ROBO1: variants seen among roughly 807,000 people sequenced by gnomAD.
The protein encoded by ROBO1 is roundabout guidance receptor 1.
Under a neutral mutation model 195.9 loss-of-function variants are expected in ROBO1, and 149 were observed. The ratio of observed to expected loss-of-function variants is 0.76; its 90% CI spans 0.67 to 0.87. ROBO1 has a LOEUF of 0.87. ROBO1 is among the 40% of genes least tolerant of loss of function. ROBO1 has a pLI of 0.00. For missense variants in ROBO1, 1,933 were observed against 2,068.3 expected (o/e 0.93, Z 1.27); for synonymous variants, 816 against 733.2 (o/e 1.11, Z -1.82).
At chr3:78,942,016 C>T (rs1386784638) in intron 3 of ROBO1, among the ~76,000 whole-genome samples, 2 of 152,004 alleles carry the variant, frequency 1.3e-5, no homozygotes, top group Non-Finnish European at 1.5e-5. Flanking sequence ...ATCTGAAAAC[C>T]AGGGTCAAGC....
intron 4 of ROBO1, among the ~76,000 whole-genome samples, chr3:78,825,764 CA>C (rs1296668502): frequency 6.6e-6 from 1 of 152,062 alleles, no homozygotes; most frequent in Non-Finnish European, 1.5e-5. Context: ...TTATCAAGTG[CA>C]AAAGTGATAT....
At chr3:79,263,090 C>A (rs2082970180) in intron 2 of ROBO1, among the ~76,000 whole-genome samples, 1 of 151,930 alleles carries the variant, frequency 6.6e-6, no homozygotes, top group Non-Finnish European at 1.5e-5. Flanking sequence ...GTTTTCATAC[C>A]CTTTAGTACC....
At chr3:78,938,287 G>T (rs764709090) in intron 4 of ROBO1, 2 of 294,972 alleles carry the variant, frequency 6.8e-6, no homozygotes, top group Non-Finnish European at 1.3e-5. Flanking sequence ...GCAGCACATG[G>T]TTCCCTATTC....
At chr3:78,934,154 A>C (rs2039675534) in intron 4 of ROBO1, among the ~76,000 whole-genome samples, 1 of 151,996 alleles carries the variant, frequency 6.6e-6, no homozygotes, top group African/African-American at 2.4e-5. Flanking sequence ...TAATGGAAGT[A>C]AAGAGAAAAA....
chr3:79,511,701 A>G (rs931342614), intron 2 of ROBO1, among the ~76,000 whole-genome samples: 1 of 152,218 alleles, frequency 6.6e-6, no homozygotes, highest in South Asian at 2.1e-4. Context: ...CTAAGTAAAG[A>G]AAATACTGTA....
chr3:79,098,661 A>G (rs1361720021), intron 3 of ROBO1, among the ~76,000 whole-genome samples: 1 of 151,882 alleles, frequency 6.6e-6, no homozygotes, highest in African/African-American at 2.4e-5. Context: ...AGTCTTAAAA[A>G]TAGATTATAC....
At chr3:78,612,785 A>G (rs932094293) in intron 28 of ROBO1, among the ~76,000 whole-genome samples, 1 of 152,220 alleles carries the variant, frequency 6.6e-6, no homozygotes, top group African/African-American at 2.4e-5. Flanking sequence ...TGTGACTTAG[A>G]GAAAATAATT....
intron 28 of ROBO1, 54 bp downstream of exon 28, chr3:78,614,594 G>A (rs1021548365): frequency 6.3e-7 from 1 of 1,582,890 alleles, no homozygotes; most frequent in Non-Finnish European, 8.6e-7. Context: ...TCCTAGAGAG[G>A]CAGGGTAAAT....
intron 1 of ROBO1, among the ~76,000 whole-genome samples, chr3:79,696,312 C>T (rs1240735653): frequency 6.6e-6 from 1 of 150,962 alleles, no homozygotes. Flanking sequence ...AGAATCTGCT[C>T]TATTGTAATA....
Position 78,656,873 on chromosome 3 carries a change from G to A in ROBO1, c.2614+225C>T, listed in dbSNP as rs572542156. Among the ~76,000 whole-genome samples, 25 of 152,156 alleles carry A rather than the reference G, an allele frequency of 1.6e-4. No homozygotes were observed. The South Asian group carries it at 5.0e-3, about 30-fold the overall frequency. ...GTTCAAGTTTAGTTGAGATATCTAC[G>A]TCCATATATCTACATCTAGTCTGTC... On this transcript the variant is annotated intron_variant, in intron 18 of 30. Coordinates refer to ENST00000464233, the MANE Select transcript of ROBO1 (RefSeq NM_002941.4).
intron 10 of ROBO1, among the ~76,000 whole-genome samples, chr3:78,675,603 C>A (rs910886264): frequency 1.3e-5 from 2 of 152,196 alleles, no homozygotes; most frequent in East Asian, 3.9e-4. Flanking sequence ...AAGGCGGCAG[C>A]GAGGCTGGGG....
intron 3 of ROBO1, among the ~76,000 whole-genome samples, chr3:79,028,709 G>C (rs899918557): frequency 1.3e-5 from 2 of 151,926 alleles, no homozygotes; most frequent in African/African-American, 4.8e-5. Context: ...GTAAGAGTAA[G>C]AAAGATCACA....
At chr3:79,543,345 A>G (rs1307527935) in intron 2 of ROBO1, among the ~76,000 whole-genome samples, 1 of 152,074 alleles carries the variant, frequency 6.6e-6, no homozygotes, top group Non-Finnish European at 1.5e-5. Context: ...AATCTATGGC[A>G]TTAAACCAGA....
At chr3:78,903,475 C>T (rs2037706825) in intron 4 of ROBO1, among the ~76,000 whole-genome samples, 3 of 124,092 alleles carry the variant, frequency 2.4e-5, no homozygotes, top group Non-Finnish European at 5.1e-5. Flanking sequence ...TTAATCTCCA[C>T]TTTTAATAAA....
At chr3:79,028,682 T>G (rs1301498039) in intron 3 of ROBO1, among the ~76,000 whole-genome samples, 2 of 151,994 alleles carry the variant, frequency 1.3e-5, no homozygotes, top group Non-Finnish European at 2.9e-5. Context: ...ATTCCAATGA[T>G]CTTAGAACCA....
intron 21 of ROBO1, among the ~76,000 whole-genome samples, chr3:78,643,985 G>A (rs1312752947): frequency 6.6e-6 from 1 of 152,090 alleles, no homozygotes; most frequent in Non-Finnish European, 1.5e-5. Flanking sequence ...TTAACTATGT[G>A]AGGTAGGAGG....
intron 2 of ROBO1, 46 bp downstream of exon 2, chr3:79,589,778 A>C (rs1433898450): frequency 7.1e-7 from 1 of 1,410,732 alleles, no homozygotes; most frequent in Admixed American, 1.7e-5. Context: ...TAAAGCAAAG[A>C]GGGAATACTG....
At chr3:79,367,031 T>A (rs2036004776) in intron 2 of ROBO1, among the ~76,000 whole-genome samples, 1 of 152,178 alleles carries the variant, frequency 6.6e-6, no homozygotes, top group African/African-American at 2.4e-5. Context: ...AATCTGCCCA[T>A]CATTATCCAT....
At chr3:79,637,010 C>A (rs932675901) in intron 1 of ROBO1, among the ~76,000 whole-genome samples, 78 of 152,218 alleles carry the variant, frequency 5.1e-4, no homozygotes, top group African/African-American at 1.8e-3. Context: ...GAAAGGCTAA[C>A]CCATAACATG....
Sources: gnomAD v4.1 joint callset for allele counts (sites outside exome capture counted in the v4.1 genomes callset) on GRCh38, gnomAD v4.1.1 for gene constraint, MANE v1.5 for transcripts, NCBI Gene and HGNC (gene_info 2026-07-23, HGNC 2026-07-21) for gene names.